RACGAP1: variants seen among roughly 807,000 people sequenced by gnomAD.
RACGAP1 encodes the protein rac GTPase-activating protein 1.
RACGAP1 carries 30 observed loss-of-function variants against 78.1 expected under a neutral mutation model. That is an observed-to-expected ratio of 0.38 (90% CI 0.29 to 0.52). RACGAP1 has a LOEUF of 0.52. Ranked by LOEUF, RACGAP1 falls within the 20% of genes least tolerant of loss-of-function variation. The pLI, the probability that RACGAP1 is intolerant of heterozygous loss-of-function variation, is 0.82. For synonymous variants in RACGAP1, 231 were observed against 264.8 expected, an observed-to-expected ratio of 0.87 and a Z score of 1.24; for missense variants, 587 against 777.1, an observed-to-expected ratio of 0.76 and a Z score of 2.91.
intron 5 of RACGAP1, among the ~76,000 whole-genome samples, 173 bp downstream of exon 5, chr12:50,004,058 AAGCC>A (rs1415166075): frequency 6.6e-6 from 1 of 152,234 alleles, no homozygotes; most frequent in Non-Finnish European, 1.5e-5. Flanking sequence ...ACTAATATAT[AAGCC>A]AGCCTCTTAT....
intron 10 of RACGAP1, among the ~76,000 whole-genome samples, chr12:49,995,431 T>G (rs1948195743): frequency 6.6e-6 from 1 of 152,044 alleles, no homozygotes. Flanking sequence ...AAATAATATT[T>G]GATTTGCTGA....
chr12:49,996,295 C>T (rs1301052083), intron 10 of RACGAP1, among the ~76,000 whole-genome samples: 2 of 151,112 alleles, frequency 1.3e-5, no homozygotes, highest in Non-Finnish European at 2.9e-5. Context: ...GCCTGGACAA[C>T]AGGGAAACTC....
At position 50,024,160 on chromosome 12, in the gene RACGAP1, C is replaced by CA. The variant is rs757423654; in HGVS notation, c.-5+1237dup. Reference sequence around the variant, plus strand: ...TGGGCGACACAGCGAGACTCCGTCTCAAAAAAAAAAAAGAAATCAGTATAT... The same window carrying CA: ...TGGGCGACACAGCGAGACTCCGTCTCAAAAAAAAAAAAAGAAATCAGTATAT... On this transcript the variant is annotated intron_variant, in intron 1 of 16. Coordinates refer to ENST00000312377, the MANE Select transcript of RACGAP1 (RefSeq NM_001319999.2). Among the ~76,000 whole-genome samples, 945 of 128,532 alleles carry CA rather than the reference C, an allele frequency of 7.4e-3. 5 individuals carry two copies. Among genetic ancestry groups the CA allele is most frequent in the Non-Finnish European group, 0.012 (696 of 60,262 alleles). The allele number at this position is 128,532 out of a possible 152,430, so 84.3% of individuals were successfully genotyped here.
chr12:50,013,460 T>G (rs1045901552), intron 2 of RACGAP1, among the ~76,000 whole-genome samples: 4 of 152,168 alleles, frequency 2.6e-5, no homozygotes, highest in Non-Finnish European at 5.9e-5. Context: ...CAGGTCTTAT[T>G]ATCACAATCT....
At chr12:50,003,989 GATCT>G (rs1390552278) in intron 5 of RACGAP1, among the ~76,000 whole-genome samples, 5 of 152,166 alleles carry the variant, frequency 3.3e-5, no homozygotes, top group African/African-American at 4.8e-5. Context: ...GGCACACAGA[GATCT>G]ATTAAATGAA....
intron 2 of RACGAP1, among the ~76,000 whole-genome samples, chr12:50,010,764 C>T (rs557119636): frequency 2.4e-4 from 36 of 150,478 alleles, no homozygotes; most frequent in African/African-American, 8.5e-4. Context: ...GAAACCCCAC[C>T]TCTACTAAAA....
At position 49,989,533 on chromosome 12, in the gene RACGAP1, A is replaced by C. The variant is rs1395625988; in HGVS notation, c.*735T>G. The C allele has an allele frequency of 6.6e-6, 1 of 152,234 alleles. No homozygotes were observed. The highest frequency in any genetic ancestry group is 2.1e-4 in the South Asian group (1 of 4,836). 9.4% of individuals were successfully genotyped at this position (152,234 alleles called of 1,614,324 possible). A position where few individuals can be genotyped will look rare whatever the true frequency, so the allele number is the denominator to read the frequency against. On this transcript the variant is annotated 3_prime_UTR_variant, in exon 17 of 17. Coordinates refer to ENST00000312377, the MANE Select transcript of RACGAP1 (RefSeq NM_001319999.2). ...GGGGCCAAGCATCAGAATGAATTCA[A>C]TTTTAAAAGAAAAACTGGCTTTGAC...
exon 2 of RACGAP1, chr12:50,031,728 C>T: frequency 2.0e-6 from 2 of 985,398 alleles, no homozygotes; most frequent in South Asian, 9.4e-5. Flanking sequence ...AACGCTGATG[C>T]CTGGGTCCGT....
At chr12:49,996,060 C>T (rs79350044) in intron 10 of RACGAP1, among the ~76,000 whole-genome samples, 5,745 of 152,134 alleles carry the variant, frequency 0.038, 257 homozygotes, top group African/African-American at 0.096. Flanking sequence ...ACCTAGAATC[C>T]CAACACTTTA....
chr12:50,016,968 T>C, intron 1 of RACGAP1: 2 of 1,243,018 alleles, frequency 1.6e-6, no homozygotes, highest in Non-Finnish European at 2.0e-6. Context: ...CTCCAATCAC[T>C]TGGAGCAGAA....
chr12:50,008,424 C>T (rs1313107919), intron 2 of RACGAP1, among the ~76,000 whole-genome samples: 1 of 151,968 alleles, frequency 6.6e-6, no homozygotes, highest in African/African-American at 2.4e-5. Flanking sequence ...GTCTCAAACT[C>T]CTAACCTCAG....
chr12:50,025,463 C>G lies in RACGAP1; in HGVS notation c.-70G>C. ...CTCCGCGCCTCACCCAACGGCAGAG[C>G]AGCGCCGCGCCCACAGCTCCGGTTT... On this transcript the variant is annotated 5_prime_UTR_variant, in exon 1 of 17. Coordinates refer to ENST00000312377, the MANE Select transcript of RACGAP1 (RefSeq NM_001319999.2). 1.0e-6 allele frequency: 1 copy of G among 985,750 alleles called. No homozygotes were observed. Among genetic ancestry groups the G allele is most frequent in the Non-Finnish European group, 1.2e-6 (1 of 830,154 alleles). The allele number at this position is 985,750 out of a possible 1,614,324, so 61.1% of individuals were successfully genotyped here.
Position 50,001,182 on chromosome 12 carries a change from G to A in RACGAP1, c.620C>T (p.Ala207Val), listed in dbSNP as rs1455470334. 6.2e-7 allele frequency: 1 copy of A among 1,603,234 alleles called. No individual in the cohort carries two copies. ...PVKKTRSIGS[A>V]VDQGNESIVA... Reference sequence around the variant, plus strand: ...CCTGACTATTCTTACCTGGTCTACTGCAGAGCCAATGGAACGAGTTTTCTT... The same window carrying A: ...CCTGACTATTCTTACCTGGTCTACTACAGAGCCAATGGAACGAGTTTTCTT... Residue 207 changes from alanine to valine, a missense_variant, in exon 7 of 17, where the codon GCA becomes GTA. Coordinates refer to ENST00000312377, the MANE Select transcript of RACGAP1 (RefSeq NM_001319999.2).
At chr12:50,000,858 A>T (rs1363678712) in intron 7 of RACGAP1, among the ~76,000 whole-genome samples, 2 of 151,906 alleles carry the variant, frequency 1.3e-5, no homozygotes, top group Non-Finnish European at 2.9e-5. Flanking sequence ...GACCAGCCTG[A>T]CCAATATGAT....
intron 7 of RACGAP1, 81 bp from the exon 8 acceptor site, chr12:49,999,814 A>G (rs1292014108): frequency 8.6e-7 from 1 of 1,162,964 alleles, no homozygotes; most frequent in Non-Finnish European, 1.3e-6. Flanking sequence ...GAGCAGGTAA[A>G]AAATTCCTTA....
intron 1 of RACGAP1, among the ~76,000 whole-genome samples, chr12:50,022,313 T>C (rs1950051685): frequency 6.6e-6 from 1 of 152,254 alleles, no homozygotes; most frequent in Admixed American, 6.5e-5. Context: ...CTAGGTGTGG[T>C]GGCTCACGCC....
Position 50,016,739 on chromosome 12 carries a change from AC to A in RACGAP1, c.-4-21del. The A allele has an allele frequency of 6.2e-7, 1 of 1,610,446 alleles. No homozygotes were observed. The highest frequency in any genetic ancestry group is 1.1e-5 in the South Asian group (1 of 90,880). On this transcript the variant is annotated intron_variant, in intron 1 of 16. Coordinates refer to ENST00000312377, the MANE Select transcript of RACGAP1 (RefSeq NM_001319999.2). ...ATCTTTCTGCCAAGAAATCAAATATACATTAGGGGTCCTGCCTTCTCGCCCA... is the reference window on the plus strand; with the variant it reads ...ATCTTTCTGCCAAGAAATCAAATATAATTAGGGGTCCTGCCTTCTCGCCCA...
At position 49,996,668 on chromosome 12, in the gene RACGAP1, A is replaced by AAAT. The variant is rs1948302735; in HGVS notation, c.1044+371_1044+372insATT. On this transcript the variant is annotated intron_variant, in intron 10 of 16. Coordinates refer to ENST00000312377, the MANE Select transcript of RACGAP1 (RefSeq NM_001319999.2). Reference sequence around the variant, plus strand: ...AAAAAAAAAAAAAAAAAAAAAAAAAATGGACACAAGTTAGTAATCATGGAA... The same window carrying AAAT: ...AAAAAAAAAAAAAAAAAAAAAAAAAAAATTGGACACAAGTTAGTAATCATGGAA... Among the ~76,000 whole-genome samples, 26 of 129,334 alleles carry AAAT rather than the reference A, an allele frequency of 2.0e-4. 4 individuals carry two copies. Among genetic ancestry groups the AAAT allele is most frequent in the African/African-American group, 9.1e-4 (24 of 26,426 alleles). 84.8% of individuals were successfully genotyped at this position (129,334 alleles called of 152,430 possible).
At chr12:50,008,223 A>T (rs1328001233) in intron 2 of RACGAP1, among the ~76,000 whole-genome samples, 1 of 142,472 alleles carries the variant, frequency 7.0e-6, no homozygotes, top group African/African-American at 2.6e-5. Flanking sequence ...TTTGAGACAG[A>T]GTTTCACTCT....
Sources: allele counts gnomAD v4.1 joint callset (sites outside exome capture counted in the v4.1 genomes callset), GRCh38; gene constraint gnomAD v4.1.1; transcripts MANE v1.5; gene names NCBI Gene and HGNC (gene_info 2026-07-23, HGNC 2026-07-21).